Variants in MACROD2 observed in about 807,000 individuals in gnomAD.
MACROD2 encodes ADP-ribose glycohydrolase MACROD2.
MACROD2 carries 36 observed loss-of-function variants against 70.4 expected under a neutral mutation model. The observed-to-expected ratio is 0.51, with a 90% CI of 0.39 to 0.68. The LOEUF is 0.68. Ranked by LOEUF, MACROD2 falls within the 30% of genes least tolerant of loss-of-function variation. The pLI is 0.00. For missense variants in MACROD2, 496 were observed against 538.4 expected, an observed-to-expected ratio of 0.92 and a Z score of 0.78; for synonymous variants, 172 against 178.8, an observed-to-expected ratio of 0.96 and a Z score of 0.30.
chr20:14,493,570 T>A, intron 4 of MACROD2, 62 bp downstream of exon 4: 1 of 1,370,282 alleles, frequency 7.3e-7, no homozygotes. Flanking sequence ...CTACAAGATA[T>A]TTAGTAAGTT....
intron 4 of MACROD2, among the ~76,000 whole-genome samples, chr20:14,612,390 T>C (rs987062937): frequency 6.6e-6 from 1 of 152,288 alleles, no homozygotes; most frequent in East Asian, 1.9e-4. Context: ...TGATTGCCTT[T>C]GTCATTGCCT....
chr20:14,435,000 G>A (rs2084040273), intron 3 of MACROD2, among the ~76,000 whole-genome samples: 1 of 152,114 alleles, frequency 6.6e-6, no homozygotes, highest in Non-Finnish European at 1.5e-5. Context: ...GTTGATAACT[G>A]TATTACTTTC....
At chr20:15,335,059 G>C (rs2078033667) in intron 6 of MACROD2, among the ~76,000 whole-genome samples, 2 of 151,876 alleles carry the variant, frequency 1.3e-5, no homozygotes, top group Admixed American at 1.3e-4. Context: ...TCAGCAGTCA[G>C]AGTCTAGACT....
intron 4 of MACROD2, among the ~76,000 whole-genome samples, chr20:14,532,652 T>G (rs969377726): frequency 6.6e-6 from 1 of 152,166 alleles, no homozygotes; most frequent in African/African-American, 2.4e-5. Context: ...TTCTCCCCCC[T>G]CTTGGTTAAG....
At chr20:15,719,706 G>A (rs2050758698) in intron 8 of MACROD2, among the ~76,000 whole-genome samples, 1 of 151,994 alleles carries the variant, frequency 6.6e-6, no homozygotes, top group African/African-American at 2.4e-5. Flanking sequence ...GGGGTACAGT[G>A]TGATGTTTTG....
chr20:15,222,510 T>A (rs1246957579), intron 5 of MACROD2, among the ~76,000 whole-genome samples: 1 of 152,226 alleles, frequency 6.6e-6, no homozygotes, highest in Non-Finnish European at 1.5e-5. Flanking sequence ...GTACCTTTAG[T>A]GCTCAGTTTT....
intron 5 of MACROD2, among the ~76,000 whole-genome samples, chr20:15,033,724 A>T (rs959666283): frequency 6.6e-6 from 1 of 152,224 alleles, no homozygotes; most frequent in Non-Finnish European, 1.5e-5. Flanking sequence ...TTGTCTTCCA[A>T]GACACTAATG....
intron 3 of MACROD2, among the ~76,000 whole-genome samples, chr20:14,464,745 C>T (rs1310347525): frequency 3.3e-5 from 5 of 151,934 alleles, no homozygotes; most frequent in East Asian, 1.9e-4. Context: ...TCTTTGTTCT[C>T]GTTGGTTTCA....
chr20:14,040,977 T>C (rs1292591393), intron 2 of MACROD2, among the ~76,000 whole-genome samples: 1 of 152,214 alleles, frequency 6.6e-6, no homozygotes, highest in African/African-American at 2.4e-5. Context: ...TTTGTTCTTT[T>C]GGTTTGAGTG....
At chr20:14,837,901 C>A (rs6110445) in intron 5 of MACROD2, among the ~76,000 whole-genome samples, 1 of 151,014 alleles carries the variant, frequency 6.6e-6, no homozygotes, top group Non-Finnish European at 1.5e-5. Context: ...ATTCCACATT[C>A]CCCCTGAGGG....
intron 8 of MACROD2, among the ~76,000 whole-genome samples, chr20:15,768,876 AC>A (rs1159442997): frequency 6.6e-6 from 1 of 152,158 alleles, no homozygotes; most frequent in African/African-American, 2.4e-5. Flanking sequence ...TACACACGTT[AC>A]CCTGGGCCTA....
chr20:14,904,471 A>G (rs905332477), intron 5 of MACROD2, among the ~76,000 whole-genome samples: 1 of 152,118 alleles, frequency 6.6e-6, no homozygotes, highest in African/African-American at 2.4e-5. Context: ...ATAGGTGGGT[A>G]CATATATGCA....
At chr20:15,334,593 A>AC (rs2078028597) in intron 6 of MACROD2, among the ~76,000 whole-genome samples, 1 of 151,442 alleles carries the variant, frequency 6.6e-6, no homozygotes, top group Non-Finnish European at 1.5e-5. Context: ...TTTTTTTTAA[A>AC]AAAAAACTGC....
At chr20:14,867,367 C>G (rs1244175237) in intron 5 of MACROD2, among the ~76,000 whole-genome samples, 1 of 152,096 alleles carries the variant, frequency 6.6e-6, no homozygotes, top group Non-Finnish European at 1.5e-5. Flanking sequence ...GGCTGAGGAA[C>G]TGCAAATATG....
At chr20:15,348,863 G>T (rs1304065769) in intron 6 of MACROD2, among the ~76,000 whole-genome samples, 5 of 152,060 alleles carry the variant, frequency 3.3e-5, no homozygotes, top group African/African-American at 7.2e-5. Flanking sequence ...TAAGATTTGG[G>T]CGGGGTCACA....
At chr20:14,304,986 T>G (rs2082507837) in intron 3 of MACROD2, among the ~76,000 whole-genome samples, 1 of 152,166 alleles carries the variant, frequency 6.6e-6, no homozygotes, top group African/African-American at 2.4e-5. Context: ...TATATTAGAA[T>G]CAATGGGGAC....
At chr20:15,149,157 G>A (rs1009967875) in intron 5 of MACROD2, among the ~76,000 whole-genome samples, 11 of 152,050 alleles carry the variant, frequency 7.2e-5, no homozygotes, top group African/African-American at 2.7e-4. Flanking sequence ...AAATCCTTGA[G>A]CTTGGTGTGT....
At chr20:14,566,884 G>A (rs1055332055) in intron 4 of MACROD2, 2 of 151,834 alleles carry the variant, frequency 1.3e-5, no homozygotes, top group African/African-American at 2.4e-5. Context: ...TTGTTGCAAT[G>A]TCTTTTTAAA....
intron 3 of MACROD2, among the ~76,000 whole-genome samples, chr20:14,097,619 C>CA (rs2148676407): frequency 6.6e-6 from 1 of 152,258 alleles, no homozygotes; most frequent in East Asian, 1.9e-4. Context: ...ATAACTCTGA[C>CA]AAATTATTTA....
Sources: allele counts gnomAD v4.1 joint callset (sites outside exome capture counted in the v4.1 genomes callset), GRCh38; gene constraint gnomAD v4.1.1; transcripts MANE v1.5; gene names NCBI Gene and HGNC (gene_info 2026-07-23, HGNC 2026-07-21).